Variants in TNRC6A observed in about 807,000 individuals in gnomAD.
The protein encoded by TNRC6A is trinucleotide repeat-containing gene 6A protein.
Under a neutral mutation model 221.2 loss-of-function variants are expected in TNRC6A, and 44 were observed. The ratio of observed to expected loss-of-function variants is 0.20; its 90% CI spans 0.16 to 0.26. The LOEUF (loss-of-function observed/expected upper bound fraction) is 0.26, where lower values mean the gene tolerates loss of function less well. Ranked by LOEUF, TNRC6A falls within the 10% of genes least tolerant of loss-of-function variation. The pLI is 1.00. For synonymous variants in TNRC6A, 847 were observed against 838.5 expected (o/e 1.01, Z -0.18); for missense variants, 2,199 against 2,404.4 (o/e 0.91, Z 1.79).
At position 24,672,269 on chromosome 16, in the gene TNRC6A, A is replaced by G. The variant is rs555126131; in HGVS notation, n.402+31260A>G. 5.9e-5 allele frequency among the ~76,000 whole-genome samples: 9 copies of G among 151,460 alleles called. No individual in the cohort carries two copies. In the East Asian group the frequency reaches 1.4e-3, roughly 23 times the overall value. On this transcript the variant is annotated intron_variant and non_coding_transcript_variant, in intron 2 of 2. Transcript: ENST00000566108. ...CCCCAGCAGCTGGGACTACAGGCGC[A>G]CGCCGCCACGCCTGGCTAATTTTTT...
At chr16:24,617,543 T>C (rs926639811) in intron 1 of TNRC6A, among the ~76,000 whole-genome samples, 6 of 152,216 alleles carry the variant, frequency 3.9e-5, no homozygotes, top group African/African-American at 1.4e-4. Flanking sequence ...TTTTATTAAT[T>C]GTATTATTTA....
chr16:24,766,809 T>G (rs1474119493), intron 4 of TNRC6A, among the ~76,000 whole-genome samples: 1 of 151,832 alleles, frequency 6.6e-6, no homozygotes. Context: ...CCTGAGTAGC[T>G]GGGATTACAG....
At chr16:24,651,946 A>T (rs950941136) in intron 2 of TNRC6A, among the ~76,000 whole-genome samples, 5 of 151,266 alleles carry the variant, frequency 3.3e-5, no homozygotes, top group African/African-American at 1.2e-4. Flanking sequence ...AAAAAAAAAA[A>T]AATTAATTAA....
chr16:24,805,796 T>C, intron 15 of TNRC6A, 63 bp downstream of exon 15: 1 of 1,605,282 alleles, frequency 6.2e-7, no homozygotes, highest in Non-Finnish European at 8.5e-7. Context: ...TGCCAAACAC[T>C]AGACTCTGTG....
chr16:24,696,733 A>AG (rs2055870380), intron 2 of TNRC6A, among the ~76,000 whole-genome samples: 1 of 145,834 alleles, frequency 6.9e-6, no homozygotes, highest in African/African-American at 2.5e-5. Flanking sequence ...TGTCTCAAAA[A>AG]AAAAAAAAAA....
rs2058085746 is a variant in TNRC6A, at chr16:24,790,954, G to A, written c.2312G>A (p.Ser771Asn). 6.2e-7 allele frequency: 1 copy of A among 1,611,838 alleles called. No homozygotes were observed. The highest frequency in any genetic ancestry group is 1.3e-5 in the African/African-American group (1 of 74,938). The part of the protein sequence containing the change: ...FNSGACIDKT[S>N]PNGNDTSSVS... ...TCAGGGGCATGTATAGATAAGACTA[G>A]CCCTAATGGTAATGATACCTCATCT... Residue 771 changes from serine (S) to asparagine (N), a missense_variant, in exon 6 of 25, where the codon AGC (serine) becomes AAC (asparagine). Around this residue, in one of 8 missense-constraint regions of TNRC6A, gnomAD observed 1,405 missense variants for 1,400.2 expected, o/e 1.00. Transcript: ENST00000395799.
chr16:24,644,014 G>T (rs1902135922), intron 2 of TNRC6A, among the ~76,000 whole-genome samples: 1 of 151,428 alleles, frequency 6.6e-6, no homozygotes, highest in Admixed American at 6.6e-5. Context: ...AGGAACACTG[G>T]TGCAAATAAG....
chr16:24,687,947 T>G, intron 2 of TNRC6A, among the ~76,000 whole-genome samples: 1 of 96,070 alleles, frequency 1.0e-5, no homozygotes, highest in South Asian at 4.1e-4. Context: ...TTCTTTTCTT[T>G]TCTTTTCTTT....
chr16:24,620,160 A>G (rs1900590602), intron 1 of TNRC6A, among the ~76,000 whole-genome samples: 1 of 151,984 alleles, frequency 6.6e-6, no homozygotes, highest in South Asian at 2.1e-4. Context: ...AAAGAACTAT[A>G]TGAGCTTAGG....
At position 24,698,103 on chromosome 16, in the gene TNRC6A, G is replaced by A. The variant is rs567446246; in HGVS notation, n.403-52623G>A. Among the ~76,000 whole-genome samples, 3 of 151,312 alleles carry A rather than the reference G, an allele frequency of 2.0e-5. No individual in the cohort carries two copies. In the South Asian group the frequency reaches 6.3e-4, roughly 32 times the overall value. On this transcript the variant is annotated intron_variant and non_coding_transcript_variant, in intron 2 of 2. Coordinates refer to the TNRC6A transcript ENST00000566108. ...AGCACTTTGAGGGGCCGAGGCAGGAGGACCGCTTGAGCCCAGAAGTTTGAG... is the reference window on the plus strand; with the variant it reads ...AGCACTTTGAGGGGCCGAGGCAGGAAGACCGCTTGAGCCCAGAAGTTTGAG...
chr16:24,651,974 GGATA>G (rs1181103118), intron 2 of TNRC6A, among the ~76,000 whole-genome samples: 13 of 151,474 alleles, frequency 8.6e-5, no homozygotes, highest in Middle Eastern at 6.8e-3. Context: ...TTTTGATGAT[GGATA>G]GATAGAGACA....
At chr16:24,697,764 G>A (rs1050565722) in intron 2 of TNRC6A, among the ~76,000 whole-genome samples, 6 of 150,684 alleles carry the variant, frequency 4.0e-5, no homozygotes, top group East Asian at 2.0e-4. Flanking sequence ...GACTGGGGCC[G>A]GGCATGGTGG....
rs547036792 is a variant in TNRC6A at position 24,665,679 on chromosome 16, A to G, written n.402+24670A>G. ...CAGTATCCCTGGCCTTTACCCCACT[A>G]TAGTCTAGTAGCACTCCCTTCCCAG... On this transcript the variant is annotated intron_variant and non_coding_transcript_variant, in intron 2 of 2. Coordinates refer to the TNRC6A transcript ENST00000566108. Among the ~76,000 whole-genome samples the G allele has an allele frequency of 2.9e-4, 44 of 152,266 alleles. No homozygotes were observed. In the South Asian group the frequency reaches 3.7e-3, roughly 13 times the overall value.
At chr16:24,624,293 G>A (rs1253639824) in intron 1 of TNRC6A, among the ~76,000 whole-genome samples, 1 of 152,176 alleles carries the variant, frequency 6.6e-6, no homozygotes, top group Non-Finnish European at 1.5e-5. Context: ...GTCACAGCAG[G>A]ACACGTGGCC....
intron 6 of TNRC6A, among the ~76,000 whole-genome samples, chr16:24,792,613 CTTTTT>C (rs34670934): frequency 9.5e-3 from 538 of 56,398 alleles, no homozygotes; most frequent in African/African-American, 0.011. Flanking sequence ...ACATTTATGG[CTTTTT>C]TTTTTTTTTT....
At chr16:24,798,049 G>T in intron 11 of TNRC6A, 83 bp downstream of exon 11, 17 of 1,250,836 alleles carry the variant, frequency 1.4e-5, no homozygotes, top group Non-Finnish European at 1.8e-5. Context: ...GAGCCCTGAC[G>T]TAGATCAGGA....
intron 2 of TNRC6A, among the ~76,000 whole-genome samples, chr16:24,707,074 C>A (rs184186229): frequency 6.6e-6 from 1 of 151,888 alleles, no homozygotes; most frequent in Non-Finnish European, 1.5e-5. Flanking sequence ...CAACTCATTG[C>A]GGTCTCTGTC....
In TNRC6A at chr16:24,804,172, A is replaced by G. The variant is rs1340433726; in HGVS notation, c.3695-5A>G. On this transcript the variant is annotated splice_region_variant and splice_polypyrimidine_tract_variant and intron_variant, in intron 11 of 24. Transcript: ENST00000395799. ...TGTTTGATAACAGTCTCCTGCCTTT[A>G]TTAGGAATGTTACAAGACAAACGAA... 5 of 1,592,188 alleles carry G rather than the reference A, an allele frequency of 3.1e-6. No homozygotes were observed. Among genetic ancestry groups the G allele is most frequent in the Non-Finnish European group, 4.3e-6 (5 of 1,173,618 alleles).
chr16:24,737,027 A>G (rs2056784727), intron 2 of TNRC6A, among the ~76,000 whole-genome samples: 1 of 152,312 alleles, frequency 6.6e-6, no homozygotes, highest in East Asian at 1.9e-4. Context: ...ACGCTTTCTT[A>G]AAAGAATGCC....
Sources: gnomAD v4.1 joint callset for allele counts (sites outside exome capture counted in the v4.1 genomes callset) on GRCh38, gnomAD v4.1.1 for gene constraint, gnomAD v4.1.1 regional missense constraint, MANE v1.5 for transcripts, NCBI Gene and HGNC (gene_info 2026-07-23, HGNC 2026-07-21) for gene names.